WASHC4: variants seen among roughly 807,000 people sequenced by gnomAD.
WASHC4 encodes WASH complex subunit 4, also known as WASH complex subunit 7.
A neutral mutation model predicts 166.6 loss-of-function variants in WASHC4; 86 were observed. The observed-to-expected ratio is 0.52, with a 90% confidence interval of 0.43 to 0.62. WASHC4 has a LOEUF of 0.62. WASHC4 is among the 20% of genes least tolerant of loss of function. The probability of loss-of-function intolerance (pLI) is 0.00; values close to 1 mark genes in which losing one functional copy is unlikely to be tolerated. For synonymous variants in WASHC4, 446 were observed against 451.6 expected (o/e 0.99, Z 0.16); for missense variants, 1,262 against 1,382.4 (o/e 0.91, Z 1.38).
chr12:105,167,090 C>A lies in WASHC4; in HGVS notation c.*159C>A, dbSNP rs1884854082. The A allele has an allele frequency of 1.6e-6, 1 of 625,710 alleles. No individual in the cohort carries two copies. 38.8% of individuals were successfully genotyped at this position (625,710 alleles called of 1,614,324 possible). ...GCAGTGCTTTAAAGTGAAGTTCATTCTGTTTCCAAAGGCTCTACTTTCAAA... is the reference window on the plus strand; with the variant it reads ...GCAGTGCTTTAAAGTGAAGTTCATTATGTTTCCAAAGGCTCTACTTTCAAA... On this transcript the variant is annotated 3_prime_UTR_variant, in exon 33 of 33. Coordinates refer to ENST00000332180, the MANE Select transcript of WASHC4 (RefSeq NM_015275.3).
chr12:105,134,141 G>A (rs1342338836), intron 14 of WASHC4, among the ~76,000 whole-genome samples: 2 of 152,000 alleles, frequency 1.3e-5, no homozygotes, highest in East Asian at 3.8e-4. Flanking sequence ...TATTTTTACT[G>A]TCATTTATTT....
chr12:105,127,008 A>G, intron 12 of WASHC4, 121 bp from the exon 13 acceptor site: 1 of 813,528 alleles, frequency 1.2e-6, no homozygotes, highest in Non-Finnish European at 2.1e-6. Context: ...ATTAATAAGT[A>G]TTTTTTGTGG....
intron 6 of WASHC4, among the ~76,000 whole-genome samples, chr12:105,118,082 T>C (rs1043304081): frequency 5.3e-5 from 8 of 152,198 alleles, no homozygotes; most frequent in African/African-American, 1.9e-4. Context: ...ATTCATGTAA[T>C]AGGGTAGAAA....
At chr12:105,162,104 A>G (rs546792774) in intron 29 of WASHC4, among the ~76,000 whole-genome samples, 2 of 152,312 alleles carry the variant, frequency 1.3e-5, no homozygotes, top group South Asian at 4.1e-4. Context: ...TGTGAACTCT[A>G]GATAGAAATC....
intron 1 of WASHC4, 44 bp downstream of exon 1, chr12:105,107,905 G>A: frequency 7.0e-7 from 1 of 1,427,352 alleles, no homozygotes; most frequent in Non-Finnish European, 9.7e-7. Context: ...ACGCTCCTTC[G>A]GCCCGCCGCT....
chr12:105,159,905 C>A, intron 28 of WASHC4, 96 bp from the exon 29 acceptor site: 1 of 1,138,260 alleles, frequency 8.8e-7, no homozygotes, highest in Non-Finnish European at 1.3e-6. Context: ...GTGTTTCCTG[C>A]TTTTCAAGTG....
chr12:105,167,498 T>G lies in WASHC4; in HGVS notation c.*567T>G, dbSNP rs1358873616. 6.5e-6 allele frequency: 1 copy of G among 152,784 alleles called. No individual in the cohort carries two copies. The highest frequency in any genetic ancestry group is 1.5e-5 in the Non-Finnish European group (1 of 68,172). 9.5% of individuals were successfully genotyped at this position (152,784 alleles called of 1,614,324 possible). On this transcript the variant is annotated 3_prime_UTR_variant, in exon 33 of 33. Coordinates refer to ENST00000332180, the MANE Select transcript of WASHC4 (RefSeq NM_015275.3). ...TAACTGATGATCCTTCTTTCATTGT[T>G]AATTTCATGTGACTCACAAGAGCTG...
At chr12:105,166,448 A>G (rs1884809999) in intron 32 of WASHC4, among the ~76,000 whole-genome samples, 1 of 152,182 alleles carries the variant, frequency 6.6e-6, no homozygotes, top group South Asian at 2.1e-4. Context: ...CAGTTTTGAT[A>G]TGTGAGTTTG....
chr12:105,136,148 G>A (rs146159303), intron 14 of WASHC4, among the ~76,000 whole-genome samples: 83 of 152,100 alleles, frequency 5.5e-4, no homozygotes, highest in Non-Finnish European at 1.0e-3. Flanking sequence ...ACTTTTTTGG[G>A]GGGTTATCCT....
At chr12:105,108,447 A>G (rs1879299629) in intron 1 of WASHC4, among the ~76,000 whole-genome samples, 1 of 152,194 alleles carries the variant, frequency 6.6e-6, no homozygotes, top group South Asian at 2.1e-4. Flanking sequence ...CCTTTTATTT[A>G]TGCTAAGTGA....
chr12:105,135,645 A>G (rs916793535), intron 14 of WASHC4, among the ~76,000 whole-genome samples: 7 of 151,668 alleles, frequency 4.6e-5, no homozygotes, highest in Non-Finnish European at 1.0e-4. Context: ...TTCGAGCATT[A>G]TTTCTTTTCT....
rs1287517932 is a variant in WASHC4, at chr12:105,168,523, C to T, written c.*1592C>T. 2.0e-5 allele frequency: 3 copies of T among 152,182 alleles called. No homozygotes were observed. The South Asian group carries it at 6.2e-4, about 32-fold the overall frequency. 9.4% of individuals were successfully genotyped at this position (152,182 alleles called of 1,614,324 possible). A position where few individuals can be genotyped will look rare whatever the true frequency, so the allele number is the denominator to read the frequency against. On this transcript the variant is annotated 3_prime_UTR_variant, in exon 33 of 33. Coordinates refer to ENST00000332180, the MANE Select transcript of WASHC4 (RefSeq NM_015275.3). ...CAGTATTGTTTTCTCTGTTTTTCTT[C>T]TCTAACTTCTCTGAAATCATCTCCT... is the stretch of plus-strand genomic sequence containing the variant.
Position 105,126,305 on chromosome 12 carries a change from G to C in WASHC4, c.981G>C (p.Gln327His). ...GTGGACTCTTTGTATTGCACTTTCA[G>C]ATTTTTCGAACTATTGATAAAAAGT... ...GICGLFVLHFQIFRTIDKKFY... is the reference protein window; with the variant it reads ...GICGLFVLHFHIFRTIDKKFY... Residue 327 changes from glutamine to histidine, a missense_variant, in exon 12 of 33, where the codon CAG (glutamine) becomes CAC (histidine). Physicochemically the swap from Gln to His is conservative, Grantham distance 24. Coordinates refer to ENST00000332180, the MANE Select transcript of WASHC4 (RefSeq NM_015275.3). 1 of 1,606,398 alleles carries C rather than the reference G, an allele frequency of 6.2e-7. No homozygotes were observed. Among genetic ancestry groups the C allele is most frequent in the Non-Finnish European group, 8.5e-7 (1 of 1,173,772 alleles).
Position 105,114,446 on chromosome 12 carries a change from G to A in WASHC4, c.321+19G>A. The A allele has an allele frequency of 2.0e-6, 3 of 1,497,974 alleles. No individual in the cohort carries two copies. Among genetic ancestry groups the A allele is most frequent in the Non-Finnish European group, 2.7e-6 (3 of 1,091,496 alleles). 92.8% of individuals were successfully genotyped at this position (1,497,974 alleles called of 1,614,324 possible). Reference sequence around the variant, plus strand: ...ATATGAGGTAATTATTTGAATTCTTGTCTTAAAACTTTAAAAACATCATTT... The same window carrying A: ...ATATGAGGTAATTATTTGAATTCTTATCTTAAAACTTTAAAAACATCATTT... On this transcript the variant is annotated intron_variant, in intron 4 of 32. Coordinates refer to ENST00000332180, the MANE Select transcript of WASHC4 (RefSeq NM_015275.3).
At position 105,126,381 on chromosome 12, in the gene WASHC4, T is replaced by C; in HGVS notation, c.1038+19T>C. The C allele has an allele frequency of 2.6e-6, 4 of 1,528,054 alleles. No homozygotes were observed. Among genetic ancestry groups the C allele is most frequent in the Non-Finnish European group, 3.6e-6 (4 of 1,108,634 alleles). 94.7% of individuals were successfully genotyped at this position (1,528,054 alleles called of 1,614,324 possible). On this transcript the variant is annotated intron_variant, in intron 12 of 32. Transcript: ENST00000332180. ...TAAGAAGGTAAGAACTTGAAACTTA[T>C]TTTTCAATTTGAGCAGATTAAAAAG...
At chr12:105,162,962 CTTTTT>C (rs1425766474) in intron 30 of WASHC4, 117 bp downstream of exon 30, 2 of 630,724 alleles carry the variant, frequency 3.2e-6, no homozygotes, top group Non-Finnish European at 5.4e-6. Flanking sequence ...TTTCTTTTTT[CTTTTT>C]TATTTTTTTG....
At chr12:105,125,557 T>C (rs1881204765) in intron 10 of WASHC4, among the ~76,000 whole-genome samples, 2 of 152,190 alleles carry the variant, frequency 1.3e-5, no homozygotes, top group African/African-American at 4.8e-5. Flanking sequence ...ATTTAAATGT[T>C]AGTTCATTAG....
intron 24 of WASHC4, chr12:105,148,069 T>C: frequency 2.0e-6 from 2 of 985,288 alleles, no homozygotes; most frequent in Non-Finnish European, 2.4e-6. Flanking sequence ...AATGCTTAAG[T>C]AGTACAGTAT....
chr12:105,132,237 T>C (rs1336137052), intron 13 of WASHC4, among the ~76,000 whole-genome samples: 1 of 152,246 alleles, frequency 6.6e-6, no homozygotes, highest in African/African-American at 2.4e-5. Flanking sequence ...GGCGTGATCT[T>C]AGCTCACTGC....
Sources: allele counts gnomAD v4.1 joint callset (sites outside exome capture counted in the v4.1 genomes callset), GRCh38; gene constraint gnomAD v4.1.1; transcripts MANE v1.5; gene names NCBI Gene and HGNC (gene_info 2026-07-23, HGNC 2026-07-21).